The following SLC4A5 variants were observed in gnomAD, a reference collection of about 807,000 sequenced individuals.
The protein encoded by SLC4A5 is solute carrier family 4 member 5.
SLC4A5 carries 96 observed loss-of-function variants against 120.4 expected under a neutral mutation model. The ratio of observed to expected loss-of-function variants is 0.80; its 90% CI spans 0.68 to 0.94. The LOEUF is 0.94. SLC4A5 is among the 40% of genes least tolerant of loss of function. The pLI, the probability that SLC4A5 is intolerant of heterozygous loss-of-function variation, is 0.00. For missense variants in SLC4A5, 1,259 were observed against 1,459.5 expected (o/e 0.86, Z 2.24); for synonymous variants, 550 against 571.1 (o/e 0.96, Z 0.53).
chr2:74,294,941 G>T (rs1246421702), intron 7 of SLC4A5, among the ~76,000 whole-genome samples: 6 of 152,170 alleles, frequency 3.9e-5, no homozygotes. Flanking sequence ...GAAGTGCTGG[G>T]ATTACAGGTG....
In SLC4A5 at chr2:74,221,496, T is replaced by C. The variant is rs747859927; in HGVS notation, c.3337A>G (p.Arg1113Gly). ...AGTGAGTAACTCCAACTGGAAGATC[T>C]TTTTCCTGGCAGGAAAATGAAAAAT... is the stretch of plus-strand genomic sequence containing the variant. The change falls in exon 30 of 31, where the codon AGA becomes GGA. Residue 1113 changes from arginine (R) to glycine (G), a missense_variant. Physicochemically the swap from Arg to Gly is moderately radical, Grantham distance 125 (BLOSUM62 -2). Transcript: ENST00000394019. 8 of 1,613,688 alleles carry C rather than the reference T, an allele frequency of 5.0e-6. No individual in the cohort carries two copies. The East Asian group carries it at 1.8e-4, about 36-fold the overall frequency.
At chr2:74,315,433 C>T (rs1672936711) in intron 5 of SLC4A5, among the ~76,000 whole-genome samples, 1 of 134,078 alleles carries the variant, frequency 7.5e-6, no homozygotes, top group Non-Finnish European at 1.5e-5. Context: ...GAGCAAGACT[C>T]TGTCTTACGA....
chr2:74,224,978 G>A (rs764745698), exon 28 of SLC4A5: 15 of 1,614,026 alleles, frequency 9.3e-6, no homozygotes, highest in Admixed American at 1.7e-5. Context: ...GCCTTCGAAC[G>A]ATGATGAGGC....
rs184288128 is a variant in SLC4A5 at position 74,281,455 on chromosome 2, G to A, written c.401+4318C>T. ...ATAGTTTGCTCACAGTCAGGTGGTC[G>A]CCCCCACCCAATCTGATCCAGCCCT... On this transcript the variant is annotated intron_variant, in intron 8 of 30. Coordinates refer to ENST00000394019, the Ensembl canonical transcript of SLC4A5. 4.0e-3 allele frequency among the ~76,000 whole-genome samples: 607 copies of A among 152,130 alleles called. 2 individuals carry two copies. Among genetic ancestry groups the A allele is most frequent in the African/African-American group, 0.011 (474 of 41,490 alleles).
chr2:74,330,505 G>A (rs1363674434), intron 4 of SLC4A5, among the ~76,000 whole-genome samples: 1 of 151,246 alleles, frequency 6.6e-6, no homozygotes, highest in African/African-American at 2.4e-5. Flanking sequence ...TGGTGGTGAG[G>A]TCTAGATGGA....
chr2:74,265,495 A>G (rs1671275375), intron 8 of SLC4A5, among the ~76,000 whole-genome samples: 1 of 152,240 alleles, frequency 6.6e-6, no homozygotes, highest in Admixed American at 6.5e-5. Context: ...CAGGGGCATG[A>G]GGGATCTTCT....
chr2:74,314,344 A>C (rs1238189374), intron 6 of SLC4A5, among the ~76,000 whole-genome samples: 2 of 152,000 alleles, frequency 1.3e-5, no homozygotes, highest in Non-Finnish European at 2.9e-5. Flanking sequence ...GCAACTCTTT[A>C]GGGCATTTTT....
intron 5 of SLC4A5, among the ~76,000 whole-genome samples, chr2:74,317,366 T>A (rs1458234791): frequency 6.6e-6 from 1 of 152,174 alleles, no homozygotes; most frequent in African/African-American, 2.4e-5. Flanking sequence ...TTTTTTTAAA[T>A]GTTTTATCTG....
chr2:74,285,627 C>T (rs1671957399), intron 8 of SLC4A5, 146 bp downstream of exon 8: 4 of 841,196 alleles, frequency 4.8e-6, no homozygotes, highest in South Asian at 3.3e-5. Flanking sequence ...CTCCTTAGTT[C>T]TGGACACCAA....
At chr2:74,220,504 G>A (rs895384947) in intron 30 of SLC4A5, among the ~76,000 whole-genome samples, 2 of 152,010 alleles carry the variant, frequency 1.3e-5, no homozygotes, top group East Asian at 1.9e-4. Context: ...GCCATGCCTA[G>A]TTTTTCTGTT....
intron 7 of SLC4A5, among the ~76,000 whole-genome samples, chr2:74,295,798 C>G (rs777363578): frequency 6.6e-6 from 1 of 152,176 alleles, no homozygotes; most frequent in Non-Finnish European, 1.5e-5. Flanking sequence ...GAACTCCATA[C>G]CTGGGCTTTC....
At chr2:74,283,815 A>G (rs1573060285) in intron 8 of SLC4A5, among the ~76,000 whole-genome samples, 1 of 150,220 alleles carries the variant, frequency 6.7e-6, no homozygotes, top group Non-Finnish European at 1.5e-5. Context: ...CTAGAGCTAC[A>G]CTCGACCTGA....
intron 4 of SLC4A5, among the ~76,000 whole-genome samples, chr2:74,332,578 T>C (rs1022450255): frequency 2.0e-5 from 3 of 152,146 alleles, no homozygotes; most frequent in Non-Finnish European, 4.4e-5. Flanking sequence ...GCCAATCTCT[T>C]GGGCAAAATC....
chr2:74,240,257 T>A (rs1213964939), intron 20 of SLC4A5, among the ~76,000 whole-genome samples: 1 of 152,072 alleles, frequency 6.6e-6, no homozygotes, highest in Non-Finnish European at 1.5e-5. Flanking sequence ...TTTCCCAACC[T>A]TGAAGACCAG....
At chr2:74,308,043 A>G in intron 6 of SLC4A5, 1 of 513,446 alleles carries the variant, frequency 1.9e-6, no homozygotes, top group Non-Finnish European at 3.9e-6. Context: ...GAAAGGACTC[A>G]GGCTTTGCTG....
intron 8 of SLC4A5, among the ~76,000 whole-genome samples, chr2:74,269,276 G>A (rs1671397522): frequency 6.6e-6 from 1 of 151,822 alleles, no homozygotes; most frequent in Admixed American, 6.6e-5. Context: ...GTGCAAGCTT[G>A]GCTCACTGCA....
chr2:74,313,575 G>T (rs941194392), intron 6 of SLC4A5, among the ~76,000 whole-genome samples: 2 of 152,166 alleles, frequency 1.3e-5, no homozygotes, highest in African/African-American at 2.4e-5. Context: ...ATGTAACAGG[G>T]ATGAAGAAAA....
intron 7 of SLC4A5, among the ~76,000 whole-genome samples, chr2:74,302,686 T>A (rs970075122): frequency 6.6e-6 from 1 of 152,228 alleles, no homozygotes; most frequent in African/African-American, 2.4e-5. Context: ...CAGTGTCCAC[T>A]TAACTGAACA....
At chr2:74,232,855 A>G (rs1670140872) in intron 23 of SLC4A5, among the ~76,000 whole-genome samples, 1 of 152,108 alleles carries the variant, frequency 6.6e-6, no homozygotes, top group Non-Finnish European at 1.5e-5. Context: ...TGGGTCATAG[A>G]AGAGAGGGAT....
Sources: allele counts gnomAD v4.1 joint callset (sites outside exome capture counted in the v4.1 genomes callset), GRCh38; gene constraint gnomAD v4.1.1; transcripts MANE v1.5; gene names NCBI Gene and HGNC (gene_info 2026-07-23, HGNC 2026-07-21).